COL4A4: variants seen among roughly 807,000 people sequenced by gnomAD.
The protein encoded by COL4A4 is collagen type IV alpha 4 chain.
COL4A4 carries 105 observed loss-of-function variants against 192.9 expected under a neutral mutation model. The observed-to-expected ratio is 0.54, with a 90% CI of 0.46 to 0.64. The LOEUF (loss-of-function observed/expected upper bound fraction) is 0.64. Among genes scored for constraint, COL4A4 ranks in the 30% least tolerant of loss-of-function variants. The pLI is 0.00. For missense variants in COL4A4, 1,967 were observed against 2,169.3 expected, an observed-to-expected ratio of 0.91 and a Z score of 1.85; for synonymous variants, 762 against 769.9, an observed-to-expected ratio of 0.99 and a Z score of 0.17.
At chr2:227,087,805 G>A (rs1002972215) in intron 22 of COL4A4, among the ~76,000 whole-genome samples, 1 of 152,172 alleles carries the variant, frequency 6.6e-6, no homozygotes, top group Non-Finnish European at 1.5e-5. Context: ...CTAGAGTAAA[G>A]GCTCAGACCT....
chr2:227,087,157 A>G (rs1324841789), intron 22 of COL4A4, among the ~76,000 whole-genome samples: 1 of 152,170 alleles, frequency 6.6e-6, no homozygotes, highest in African/African-American at 2.4e-5. Flanking sequence ...GAGCAATCAG[A>G]CAGCTGAGAG....
At chr2:227,113,035 T>C (rs1559655901) in intron 8 of COL4A4, among the ~76,000 whole-genome samples, 1 of 152,204 alleles carries the variant, frequency 6.6e-6, no homozygotes, top group Non-Finnish European at 1.5e-5. Flanking sequence ...TGTACAAATA[T>C]CCATTCAAGT....
intron 40 of COL4A4, among the ~76,000 whole-genome samples, chr2:227,031,652 CA>C (rs1349707431): frequency 2.0e-5 from 3 of 152,152 alleles, no homozygotes; most frequent in Non-Finnish European, 4.4e-5. Context: ...GACATTTGGT[CA>C]GCATCAAGCT....
At chr2:227,009,763 GAGGGGAGGGGAAGGT>G (rs1330495277) in intron 46 of COL4A4, among the ~76,000 whole-genome samples, 1 of 149,214 alleles carries the variant, frequency 6.7e-6, no homozygotes. Flanking sequence ...GAGAAGAGGG[GAGGGGAGGGGAAGGT>G]AGGGGAGGGG....
the COL4A4 span, among the ~76,000 whole-genome samples, chr2:226,979,401 C>G: frequency 6.6e-6 from 1 of 152,154 alleles, no homozygotes; most frequent in Non-Finnish European, 1.5e-5. Flanking sequence ...CCCCATCTCA[C>G]CAATTGAATC....
At chr2:227,065,857 G>A (rs1355554249) in intron 25 of COL4A4, among the ~76,000 whole-genome samples, 5 of 152,206 alleles carry the variant, frequency 3.3e-5, no homozygotes, top group Admixed American at 3.3e-4. Flanking sequence ...CGCCAGCAAT[G>A]GAACAAAGCT....
chr2:227,119,175 T>C (rs13023144), intron 6 of COL4A4, among the ~76,000 whole-genome samples: 4,580 of 152,114 alleles, frequency 0.03, 112 homozygotes, highest in Non-Finnish European at 0.046. Flanking sequence ...TTCAAGAACA[T>C]TGTACTTGAC....
intron 2 of COL4A4, 67 bp downstream of exon 2, chr2:227,147,346 A>G: frequency 6.9e-7 from 1 of 1,453,432 alleles, no homozygotes; most frequent in Non-Finnish European, 9.7e-7. Flanking sequence ...GACGGTTTAC[A>G]TCCATAGAAC....
intron 35 of COL4A4, among the ~76,000 whole-genome samples, chr2:227,044,128 A>G (rs891024460): frequency 1.3e-5 from 2 of 152,218 alleles, no homozygotes; most frequent in African/African-American, 2.4e-5. Context: ...AGTAGTTTGG[A>G]GTAAGTGCTG....
At chr2:226,984,005 A>G in the COL4A4 span, among the ~76,000 whole-genome samples, 1 of 152,238 alleles carries the variant, frequency 6.6e-6, no homozygotes, top group South Asian at 2.1e-4. Flanking sequence ...AGGGTGAGCC[A>G]TGCAGCTGGC....
intron 25 of COL4A4, among the ~76,000 whole-genome samples, chr2:227,064,916 A>G (rs928398621): frequency 1.6e-4 from 24 of 152,336 alleles, no homozygotes; most frequent in Admixed American, 5.2e-4. Context: ...GCTCCAGTCT[A>G]CAGCTCCCAG....
chr2:227,047,729 T>C (rs1973177563), intron 34 of COL4A4, among the ~76,000 whole-genome samples, 180 bp from the exon 35 acceptor site: 2 of 63,670 alleles, frequency 3.1e-5, no homozygotes, highest in Admixed American at 3.2e-4. Context: ...GCAATTTACA[T>C]ACCACACACA....
rs112345160 is a variant in COL4A4 at position 227,104,239 on chromosome 2, G to A, written c.736-187C>T. 22 of 621,078 alleles carry A rather than the reference G, an allele frequency of 3.5e-5. 1 individual carries two copies. Among genetic ancestry groups the A allele is most frequent in the African/African-American group, 7.4e-5 (4 of 53,712 alleles). 38.5% of individuals were successfully genotyped at this position (621,078 alleles called of 1,614,324 possible). Reference sequence around the variant, plus strand: ...TATAAAAATTTAATACACACTTATTGTTAAAAATAAATTTAAAAAATGAAA... The same window carrying A: ...TATAAAAATTTAATACACACTTATTATTAAAAATAAATTTAAAAAATGAAA... On this transcript the variant is annotated intron_variant, in intron 12 of 47. Transcript: ENST00000396625.
chr2:226,973,883 G>T, the COL4A4 span, among the ~76,000 whole-genome samples: 1 of 152,196 alleles, frequency 6.6e-6, no homozygotes, highest in Non-Finnish European at 1.5e-5. Context: ...GATTCTGCCT[G>T]TTCATCCTCC....
intron 1 of COL4A4, among the ~76,000 whole-genome samples, chr2:227,153,595 G>T (rs112328008): frequency 6.6e-6 from 1 of 152,116 alleles, no homozygotes; most frequent in Non-Finnish European, 1.5e-5. Flanking sequence ...GATGAGGATA[G>T]TACAGACAGA....
chr2:226,976,708 A>G, the COL4A4 span, among the ~76,000 whole-genome samples: 3 of 152,126 alleles, frequency 2.0e-5, no homozygotes, highest in Admixed American at 6.5e-5. Context: ...GAGTACCTTA[A>G]CGGGGCCTGG....
rs775591420 is a variant in COL4A4 at position 227,055,926 on chromosome 2, T to C, written c.2716+19A>G. ...ATGTTTCTAAGATGGGAGGACATCA[T>C]GGAAAAAGCACTACCTACCCTTTGG... On this transcript the variant is annotated intron_variant, in intron 30 of 47. Coordinates refer to ENST00000396625, the MANE Select transcript of COL4A4 (RefSeq NM_000092.5). 2 of 1,608,348 alleles carry C rather than the reference T, an allele frequency of 1.2e-6. No individual in the cohort carries two copies. Among genetic ancestry groups the C allele is most frequent in the Non-Finnish European group, 1.7e-6 (2 of 1,177,138 alleles).
At chr2:227,045,863 C>G (rs1399323487) in intron 35 of COL4A4, among the ~76,000 whole-genome samples, 1 of 66,804 alleles carries the variant, frequency 1.5e-5, no homozygotes, top group Non-Finnish European at 2.7e-5. Flanking sequence ...TATATATATA[C>G]ACATATATAT....
At chr2:227,080,197 T>C (rs1358316145) in intron 24 of COL4A4, among the ~76,000 whole-genome samples, 2 of 152,162 alleles carry the variant, frequency 1.3e-5, no homozygotes, top group Admixed American at 6.5e-5. Context: ...ACGAGAATGA[T>C]ATAAAGACCA....
Sources: gnomAD v4.1 joint callset for allele counts (sites outside exome capture counted in the v4.1 genomes callset) on GRCh38, gnomAD v4.1.1 for gene constraint, MANE v1.5 for transcripts, NCBI Gene and HGNC (gene_info 2026-07-23, HGNC 2026-07-21) for gene names.